RIN2: variants seen among roughly 807,000 people sequenced by gnomAD.
The protein encoded by RIN2 is RAB5 interacting protein 2.
In RIN2, 36 loss-of-function variants were observed where a neutral mutation model predicts 78.0. That is an observed-to-expected ratio of 0.46 (90% confidence interval 0.35 to 0.61). The LOEUF (loss-of-function observed/expected upper bound fraction) is 0.61. Ranked by LOEUF, RIN2 falls within the 20% of genes least tolerant of loss-of-function variation. RIN2 has a pLI of 0.00. For synonymous variants in RIN2, 466 were observed against 466.8 expected (o/e 1.00, Z 0.02); for missense variants, 1,087 against 1,159.7 (o/e 0.94, Z 0.91).
intron 2 of RIN2, among the ~76,000 whole-genome samples, chr20:19,866,724 A>G (rs1418588234): frequency 6.6e-6 from 1 of 152,176 alleles, no homozygotes; most frequent in East Asian, 1.9e-4. Context: ...TCCCAGGTTC[A>G]AATGATTCTC....
At chr20:19,767,527 G>C (rs898012553) in intron 1 of RIN2, among the ~76,000 whole-genome samples, 6 of 152,194 alleles carry the variant, frequency 3.9e-5, no homozygotes, top group African/African-American at 1.4e-4. Flanking sequence ...GGGACTGAGA[G>C]ACCAGAGGGC....
intron 3 of RIN2, among the ~76,000 whole-genome samples, chr20:19,899,595 G>T (rs1407240580): frequency 1.3e-5 from 2 of 152,158 alleles, no homozygotes; most frequent in African/African-American, 4.8e-5. Flanking sequence ...GGGAGGAGTT[G>T]GTGGCCAGGG....
intron 2 of RIN2, among the ~76,000 whole-genome samples, chr20:19,881,076 ATTAC>A (rs1259205916): frequency 3.9e-5 from 6 of 152,210 alleles, no homozygotes; most frequent in African/African-American, 1.4e-4. Flanking sequence ...GCTATCTTTT[ATTAC>A]TTAAGTGTAT....
intron 2 of RIN2, among the ~76,000 whole-genome samples, chr20:19,865,488 C>CTTT (rs58947389): frequency 0.28 from 37,999 of 135,544 alleles, 5,751 homozygotes; most frequent in Non-Finnish European, 0.33. Flanking sequence ...TACTTTCTTT[C>CTTT]TTTTTTTTTT....
chr20:19,815,742 G>A (rs6136847), intron 2 of RIN2, among the ~76,000 whole-genome samples: 46,163 of 151,966 alleles, frequency 0.3, 7,376 homozygotes, highest in African/African-American at 0.41. Context: ...TCTGGAGCCC[G>A]CTACACCACA....
intron 2 of RIN2, among the ~76,000 whole-genome samples, chr20:19,866,068 G>C (rs1177668797): frequency 2.0e-5 from 3 of 152,000 alleles, no homozygotes; most frequent in African/African-American, 7.3e-5. Flanking sequence ...CCTTAATGTA[G>C]AATCAGTGGG....
chr20:19,847,519 G>A (rs6112610), intron 2 of RIN2, among the ~76,000 whole-genome samples: 7,324 of 152,206 alleles, frequency 0.048, 219 homozygotes, highest in South Asian at 0.12. Flanking sequence ...TTCAGCTTCC[G>A]GAGACCCAGA....
Position 19,990,269 on chromosome 20 carries a change from C to T in RIN2, c.2026C>T (p.Arg676Trp), listed in dbSNP as rs1186239565. The change falls in exon 10 of 13, where the codon CGG becomes TGG. Residue 676 changes from arginine to tryptophan, a missense_variant. By Grantham distance (101) the Arg-to-Trp change is moderately radical. This residue lies in a region of RIN2 where 97 missense variants were observed against 104.8 expected (regional missense o/e 0.93). Coordinates refer to ENST00000255006, the MANE Select transcript of RIN2 (RefSeq NM_018993.4). ...SPEKKVMLLL[R>W]VCKLIYTVME... ...GGAAAAGAAGGTCATGCTGCTGCTG[C>T]GGGTCTGCAAGCTCATTTACACGGT... The T allele has an allele frequency of 5.6e-6, 9 of 1,613,552 alleles. No individual in the cohort carries two copies. The highest frequency in any genetic ancestry group is 4.5e-5 in the East Asian group (2 of 44,892).
At chr20:19,878,401 G>T (rs904947529) in intron 2 of RIN2, among the ~76,000 whole-genome samples, 4 of 152,090 alleles carry the variant, frequency 2.6e-5, no homozygotes, top group African/African-American at 9.7e-5. Context: ...TGAAGGATGG[G>T]GTATCCACAG....
intron 2 of RIN2, chr20:19,889,183 C>T (rs1049769614): frequency 4.1e-6 from 4 of 985,336 alleles, no homozygotes; most frequent in Non-Finnish European, 4.8e-6. Context: ...GAACCTCCTT[C>T]TTCAGCTGTC....
chr20:19,937,625 T>C (rs994354179), intron 4 of RIN2, among the ~76,000 whole-genome samples: 14 of 152,260 alleles, frequency 9.2e-5, no homozygotes, highest in African/African-American at 2.7e-4. Flanking sequence ...TTTAACTTTG[T>C]CTTGTGCCAT....
At chr20:19,934,301 G>A (rs1267543594) in intron 3 of RIN2, among the ~76,000 whole-genome samples, 1 of 152,186 alleles carries the variant, frequency 6.6e-6, no homozygotes, top group African/African-American at 2.4e-5. Context: ...AAAATAGTGA[G>A]CAGAGTGGCA....
intron 3 of RIN2, among the ~76,000 whole-genome samples, chr20:19,919,525 G>A (rs2039823202): frequency 6.6e-6 from 1 of 152,064 alleles, no homozygotes; most frequent in South Asian, 2.1e-4. Context: ...TTAAATTTGT[G>A]GCCAGGTGCA....
intron 2 of RIN2, among the ~76,000 whole-genome samples, chr20:19,852,917 G>A (rs1194768119): frequency 1.3e-5 from 2 of 151,320 alleles, no homozygotes; most frequent in African/African-American, 4.9e-5. Context: ...AAGTTCTAGG[G>A]TACATGTGCA....
At chr20:19,762,810 C>T (rs924171627) in intron 1 of RIN2, among the ~76,000 whole-genome samples, 3 of 152,076 alleles carry the variant, frequency 2.0e-5, no homozygotes, top group Non-Finnish European at 4.4e-5. Flanking sequence ...GTTGCCCAGG[C>T]TGGAGTGCAG....
In RIN2 at chr20:19,964,247, G is replaced by C. The variant is rs568389510; in HGVS notation, c.464-705G>C. On this transcript the variant is annotated intron_variant, in intron 6 of 12. Transcript: ENST00000255006. Reference sequence around the variant, plus strand: ...CAACACTCCAAGTAAATGGGTTTTAGAATCTTTGTTTTAAAAAAAAGTGAG... The same window carrying C: ...CAACACTCCAAGTAAATGGGTTTTACAATCTTTGTTTTAAAAAAAAGTGAG... Among the ~76,000 whole-genome samples the C allele has an allele frequency of 3.3e-5, 5 of 150,466 alleles. No individual in the cohort carries two copies. The East Asian group carries it at 9.8e-4, about 30-fold the overall frequency.
At chr20:19,832,202 G>A (rs1015184870) in intron 2 of RIN2, among the ~76,000 whole-genome samples, 1 of 151,186 alleles carries the variant, frequency 6.6e-6, no homozygotes, top group South Asian at 2.1e-4. Context: ...GGATACTAAG[G>A]CAAGCACATT....
At chr20:19,888,667 G>A (rs2038306158) in intron 2 of RIN2, among the ~76,000 whole-genome samples, 2 of 152,240 alleles carry the variant, frequency 1.3e-5, no homozygotes, top group Non-Finnish European at 2.9e-5. Context: ...GATGAATGAG[G>A]AAAGACAGGG....
intron 2 of RIN2, among the ~76,000 whole-genome samples, chr20:19,811,137 C>G (rs1600512201): frequency 6.6e-6 from 1 of 151,576 alleles, no homozygotes; most frequent in Middle Eastern, 3.4e-3. Flanking sequence ...ATTTTGGTCC[C>G]CCTGAGACAA....
Sources: gnomAD v4.1 joint callset for allele counts (sites outside exome capture counted in the v4.1 genomes callset) on GRCh38, gnomAD v4.1.1 for gene constraint, gnomAD v4.1.1 regional missense constraint, MANE v1.5 for transcripts, NCBI Gene and HGNC (gene_info 2026-07-23, HGNC 2026-07-21) for gene names.